Variants in VAV2 observed in about 807,000 individuals in gnomAD.
VAV2 encodes the protein vav guanine nucleotide exchange factor 2.
A neutral mutation model predicts 132.5 loss-of-function variants in VAV2; 67 were observed. The ratio of observed to expected loss-of-function variants is 0.51; its 90% CI spans 0.42 to 0.62. The LOEUF (loss-of-function observed/expected upper bound fraction) is 0.62. VAV2 is among the 20% of genes least tolerant of loss of function. The pLI, the probability that VAV2 is intolerant of heterozygous loss-of-function variation, is 0.00. For synonymous variants in VAV2, 492 were observed against 443.5 expected (o/e 1.11, Z -1.37); for missense variants, 938 against 1,153.6 (o/e 0.81, Z 2.71).
At chr9:133,871,474 A>AGAAG (rs1474038803) in intron 2 of VAV2, among the ~76,000 whole-genome samples, 14 of 94,798 alleles carry the variant, frequency 1.5e-4, no homozygotes, top group South Asian at 3.4e-4. Context: ...AAGCGGATGG[A>AGAAG]TGGATGGATG....
intron 1 of VAV2, among the ~76,000 whole-genome samples, chr9:133,942,116 C>G (rs520308): frequency 1.3e-5 from 2 of 152,006 alleles, no homozygotes; most frequent in Non-Finnish European, 2.9e-5. Context: ...AGAGGAAAAC[C>G]GGAGAAGACA....
rs113178881 is a variant in VAV2 at position 133,775,123 on chromosome 9, G to C, written c.2019-72C>G. On this transcript the variant is annotated intron_variant, in intron 24 of 29. Coordinates refer to ENST00000371850, the MANE Select transcript of VAV2 (RefSeq NM_001134398.2). Reference sequence around the variant, plus strand: ...GTCTGAGGGGTGCCCAGCCCTCCGTGCGTGGCAGGCCACATGAAGTACTCT... The same window carrying C: ...GTCTGAGGGGTGCCCAGCCCTCCGTCCGTGGCAGGCCACATGAAGTACTCT... 364 of 1,301,918 alleles carry C rather than the reference G, an allele frequency of 2.8e-4. 1 individual carries two copies. The African/African-American group carries it at 4.1e-3, about 15-fold the overall frequency. 80.6% of individuals were successfully genotyped at this position (1,301,918 alleles called of 1,614,324 possible).
chr9:133,954,277 C>T (rs1317171358), intron 1 of VAV2, among the ~76,000 whole-genome samples: 3 of 152,314 alleles, frequency 2.0e-5, no homozygotes, highest in South Asian at 2.1e-4. Context: ...TCTGTCCATC[C>T]GCCCACCAGC....
At chr9:133,909,884 C>G (rs1564457307) in intron 2 of VAV2, among the ~76,000 whole-genome samples, 1 of 152,210 alleles carries the variant, frequency 6.6e-6, no homozygotes, top group East Asian at 1.9e-4. Context: ...CTGCCACTCA[C>G]TCTCTGTCCT....
At chr9:133,810,301 C>T in intron 5 of VAV2, 96 bp from the exon 6 acceptor site, 1 of 1,575,314 alleles carries the variant, frequency 6.3e-7, no homozygotes, top group Non-Finnish European at 8.6e-7. Context: ...CGCCACCCCA[C>T]AACCAGCCAA....
At position 133,935,188 on chromosome 9, in the gene VAV2, G is replaced by A. The variant is rs941671982; in HGVS notation, c.321+3915C>T. Reference sequence around the variant, plus strand: ...TGGTCTGAGGTTGCTGGAGGCCGCCGAGCTCATTTGGAATGGCCAGGGCGT... The same window carrying A: ...TGGTCTGAGGTTGCTGGAGGCCGCCAAGCTCATTTGGAATGGCCAGGGCGT... On this transcript the variant is annotated intron_variant, in intron 2 of 29. Coordinates refer to ENST00000371850, the MANE Select transcript of VAV2 (RefSeq NM_001134398.2). This position sits in a 1 kb window ranked among gnomAD's most constrained non-coding sequence, Gnocchi z 5.2. Among the ~76,000 whole-genome samples the A allele has an allele frequency of 2.6e-5, 4 of 152,148 alleles. No homozygotes were observed. Among genetic ancestry groups the A allele is most frequent in the African/African-American group, 4.8e-5 (2 of 41,412 alleles).
At chr9:133,837,062 A>C (rs1473737135) in intron 3 of VAV2, among the ~76,000 whole-genome samples, 1 of 152,222 alleles carries the variant, frequency 6.6e-6, no homozygotes, top group African/African-American at 2.4e-5. Flanking sequence ...CCCTAGGCCC[A>C]CAGCCTGCTC....
chr9:133,964,057 A>G lies in VAV2; in HGVS notation c.205-24838T>C, dbSNP rs1270553199. Among the ~76,000 whole-genome samples, 153 of 135,700 alleles carry G rather than the reference A, an allele frequency of 1.1e-3. 23 individuals carry two copies. The highest frequency in any genetic ancestry group is 9.3e-4 in the Non-Finnish European group (60 of 64,768). The allele number at this position is 135,700 out of a possible 152,430, so 89.0% of individuals were successfully genotyped here. A position where few individuals can be genotyped will look rare whatever the true frequency, so the allele number is the denominator to read the frequency against. ...TATATATATATATATATACATATAT[A>G]TACATATATATAAATGAATAGGCCA... On this transcript the variant is annotated intron_variant, in intron 1 of 29. Coordinates refer to ENST00000371850, the MANE Select transcript of VAV2 (RefSeq NM_001134398.2).
intron 2 of VAV2, among the ~76,000 whole-genome samples, chr9:133,867,974 C>T (rs920754388): frequency 6.6e-6 from 1 of 152,222 alleles, no homozygotes; most frequent in African/African-American, 2.4e-5. Context: ...TCTGAGGTCT[C>T]GGGAAGAGTC....
Position 133,961,222 on chromosome 9 carries a change from GA to G in VAV2, c.205-22004del, listed in dbSNP as rs1178025650. Among the ~76,000 whole-genome samples the G allele has an allele frequency of 6.6e-6, 1 of 152,230 alleles. No homozygotes were observed. The highest frequency in any genetic ancestry group is 2.4e-5 in the African/African-American group (1 of 41,452). ...AGTCCAACAGAATAGTCAACCTTTT[GA>G]TCTCAGAGGAGTGTCCATTAAGAGT... On this transcript the variant is annotated intron_variant, in intron 1 of 29. Transcript: ENST00000371850. This position sits in a 1 kb window ranked among gnomAD's most constrained non-coding sequence, Gnocchi z 4.1.
intron 3 of VAV2, among the ~76,000 whole-genome samples, chr9:133,854,107 ACATACCCCTTGCACCTGCACAC>A: frequency 7.1e-6 from 1 of 140,932 alleles, no homozygotes; most frequent in African/African-American, 2.9e-5. Context: ...ACATGCACAC[ACATACCCCTTGCACCTGCACAC>A]ACACACCCCT....
At chr9:133,975,910 T>A (rs555419016) in intron 1 of VAV2, among the ~76,000 whole-genome samples, 1 of 152,222 alleles carries the variant, frequency 6.6e-6, no homozygotes, top group Admixed American at 6.5e-5. Flanking sequence ...TTAAAAATGC[T>A]ATGTTGGCCA....
rs114520600 is a variant in VAV2, at chr9:133,908,401, A to C, written c.321+30702T>G. 7.8e-3 allele frequency among the ~76,000 whole-genome samples: 1,179 copies of C among 151,992 alleles called. 19 individuals carry two copies. The highest frequency in any genetic ancestry group is 0.027 in the African/African-American group (1,104 of 41,438). On this transcript the variant is annotated intron_variant, in intron 2 of 29. Transcript: ENST00000371850. ...GCCAGTGGGCACCCTGTCCTTCCCC[A>C]GTGGGGGCCCTCGGTCACTCAACCT...
chr9:133,980,442 G>A (rs186225358), intron 1 of VAV2, among the ~76,000 whole-genome samples: 41 of 152,320 alleles, frequency 2.7e-4, no homozygotes, highest in African/African-American at 9.6e-4. Flanking sequence ...TAGAGAAAGG[G>A]CATGTGTCAG....
intron 1 of VAV2, among the ~76,000 whole-genome samples, chr9:133,985,079 A>G (rs1842812999): frequency 6.6e-6 from 1 of 152,174 alleles, no homozygotes; most frequent in Non-Finnish European, 1.5e-5. Flanking sequence ...CCATGTCAAC[A>G]TGTATAGACA....
intron 1 of VAV2, among the ~76,000 whole-genome samples, chr9:133,970,744 A>C (rs1588196812): frequency 6.6e-6 from 1 of 150,640 alleles, no homozygotes; most frequent in Non-Finnish European, 1.5e-5. Flanking sequence ...CACCTGCCCC[A>C]CAGCCTCTCG....
At chr9:133,973,444 G>A (rs115503272) in intron 1 of VAV2, among the ~76,000 whole-genome samples, 1,977 of 152,196 alleles carry the variant, frequency 0.013, 40 homozygotes, top group African/African-American at 0.045. Context: ...CTGTCACCCC[G>A]GCATCCCTAT....
chr9:133,839,236 G>A (rs1211052070), intron 3 of VAV2, among the ~76,000 whole-genome samples: 2 of 152,030 alleles, frequency 1.3e-5, no homozygotes, highest in Admixed American at 1.3e-4. Context: ...GGATTCATGG[G>A]TGCATGGATG....
chr9:133,767,817 C>T (rs1276433806), intron 29 of VAV2, among the ~76,000 whole-genome samples: 1 of 152,202 alleles, frequency 6.6e-6, no homozygotes, highest in African/African-American at 2.4e-5. Flanking sequence ...ATTGGTGGCA[C>T]AGGGAGCTCT....
Sources: allele counts gnomAD v4.1 joint callset (sites outside exome capture counted in the v4.1 genomes callset), GRCh38; gene constraint gnomAD v4.1.1; non-coding constraint Gnocchi (gnomAD v3.1); transcripts MANE v1.5; gene names NCBI Gene and HGNC (gene_info 2026-07-23, HGNC 2026-07-21).